Variants in SLC43A2 observed in about 807,000 individuals in gnomAD.
The protein encoded by SLC43A2 is solute carrier family 43 member 2.
Under a neutral mutation model 63.2 loss-of-function variants are expected in SLC43A2, and 38 were observed. The observed-to-expected ratio is 0.60, with a 90% confidence interval of 0.46 to 0.79. The LOEUF is 0.79. Among genes scored for constraint, SLC43A2 ranks in the 30% least tolerant of loss-of-function variants. SLC43A2 has a pLI of 0.00. For missense variants in SLC43A2, 644 were observed against 756.2 expected, an observed-to-expected ratio of 0.85 and a Z score of 1.74; for synonymous variants, 322 against 331.0, an observed-to-expected ratio of 0.97 and a Z score of 0.30.
chr17:1,585,857 G>T, intron 10 of SLC43A2, 56 bp downstream of exon 10: 1 of 1,611,504 alleles, frequency 6.2e-7, no homozygotes, highest in Non-Finnish European at 8.5e-7. Context: ...GCAGCTCTGG[G>T]GTCTTTCTGC....
chr17:1,626,111 C>T (rs1451494145), intron 2 of SLC43A2, among the ~76,000 whole-genome samples: 2 of 150,196 alleles, frequency 1.3e-5, no homozygotes, highest in Admixed American at 1.3e-4. Flanking sequence ...CTGCCCACAA[C>T]AGTTCTCTGG....
In SLC43A2 at chr17:1,577,955, C is replaced by T. The variant is rs892856299; in HGVS notation, c.1424+295G>A. On this transcript the variant is annotated intron_variant, in intron 12 of 13. Transcript: ENST00000301335. This position sits in a 1 kb window ranked among gnomAD's most constrained non-coding sequence, Gnocchi z 4.9. ...AGCCCCAGGACTCGGCTGTAGTGGCCCCTGAGGCCATAATGAGCTGCACAG... is the reference window on the plus strand; with the variant it reads ...AGCCCCAGGACTCGGCTGTAGTGGCTCCTGAGGCCATAATGAGCTGCACAG... 1.3e-5 allele frequency among the ~76,000 whole-genome samples: 2 copies of T among 152,212 alleles called. No individual in the cohort carries two copies. Among genetic ancestry groups the T allele is most frequent in the Non-Finnish European group, 2.9e-5 (2 of 68,042 alleles).
intron 5 of SLC43A2, among the ~76,000 whole-genome samples, chr17:1,600,153 T>TATATATATATATATATA (rs1491178977): frequency 1.3e-4 from 5 of 38,234 alleles, no homozygotes; most frequent in Admixed American, 4.2e-4. Context: ...TATATATATA[T>TATATATATATATATATA]TTTTTTTTTT....
At chr17:1,591,011 G>A (rs899393321) in intron 8 of SLC43A2, 63 bp from the exon 9 acceptor site, 58 of 1,504,856 alleles carry the variant, frequency 3.9e-5, no homozygotes, top group Non-Finnish European at 4.5e-5. Context: ...GGGGGGACAC[G>A]CAGATCCCTC....
At chr17:1,617,124 C>G (rs1907752973) in intron 2 of SLC43A2, among the ~76,000 whole-genome samples, 1 of 152,212 alleles carries the variant, frequency 6.6e-6, no homozygotes, top group South Asian at 2.1e-4. Flanking sequence ...GCATCCGCCA[C>G]CCTAGAACGG....
intron 9 of SLC43A2, 157 bp from the exon 10 acceptor site, chr17:1,586,208 T>A: frequency 8.5e-7 from 1 of 1,182,804 alleles, no homozygotes; most frequent in Non-Finnish European, 1.1e-6. Context: ...CCGGAGACCT[T>A]AACTCTGAAG....
At chr17:1,594,809 G>C (rs12939032) in intron 5 of SLC43A2, among the ~76,000 whole-genome samples, 100,166 of 150,742 alleles carry the variant, frequency 0.66, 33,726 homozygotes, top group Admixed American at 0.75. Flanking sequence ...AGGATGGTCT[G>C]GATCTCCTGA....
chr17:1,588,735 A>C lies in SLC43A2; in HGVS notation c.1078+2067T>G, dbSNP rs539482756. Among the ~76,000 whole-genome samples the C allele has an allele frequency of 2.7e-5, 4 of 146,998 alleles. No homozygotes were observed. The South Asian group carries it at 6.4e-4, about 24-fold the overall frequency. ...AAAAAAAAAAAGGCGGCCTTTTCCCAGCTGCCAGCACCCTGGCTAGTTAGG... is the reference window on the plus strand; with the variant it reads ...AAAAAAAAAAAGGCGGCCTTTTCCCCGCTGCCAGCACCCTGGCTAGTTAGG... On this transcript the variant is annotated intron_variant, in intron 9 of 13. Coordinates refer to ENST00000301335, the MANE Select transcript of SLC43A2 (RefSeq NM_152346.3).
intron 9 of SLC43A2, among the ~76,000 whole-genome samples, chr17:1,587,532 GC>G (rs1457093149): frequency 6.6e-6 from 1 of 152,128 alleles, no homozygotes; most frequent in Non-Finnish European, 1.5e-5. Flanking sequence ...TTGGGCCATG[GC>G]CCCCCTGCCA....
At chr17:1,586,931 C>CCCCCCCCCCCCGCCCCCCGGCCCG in intron 9 of SLC43A2, 1 of 986,030 alleles carries the variant, frequency 1.0e-6, no homozygotes, top group Non-Finnish European at 1.5e-6. Flanking sequence ...CTGACAATCC[C>CCCCCCCCCCCCGCCCCCCGGCCCG]CCCCACCCCC....
At chr17:1,576,751 C>T (rs199942755) in intron 12 of SLC43A2, 31 bp from the exon 13 acceptor site, 527 of 1,603,582 alleles carry the variant, frequency 3.3e-4, no homozygotes, top group Non-Finnish European at 4.3e-4. Flanking sequence ...CACAGCCATC[C>T]TGCCTCCTGG....
chr17:1,584,401 A>T (rs754672312), intron 10 of SLC43A2, among the ~76,000 whole-genome samples: 6 of 151,928 alleles, frequency 3.9e-5, no homozygotes, highest in Non-Finnish European at 7.4e-5. Context: ...TGGGTATAAC[A>T]CTGGTCCCCA....
chr17:1,594,515 T>C (rs1276185674), intron 5 of SLC43A2, among the ~76,000 whole-genome samples: 1 of 152,182 alleles, frequency 6.6e-6, no homozygotes, highest in East Asian at 1.9e-4. Flanking sequence ...AGGCTGCTTA[T>C]GGGGACTTAA....
intron 6 of SLC43A2, among the ~76,000 whole-genome samples, chr17:1,592,948 C>T (rs1904957166): frequency 6.6e-6 from 1 of 152,170 alleles, no homozygotes; most frequent in South Asian, 2.1e-4. Flanking sequence ...TCCCCTGCCC[C>T]AGCCCCGAAA....
chr17:1,615,715 C>T (rs1407276260), intron 3 of SLC43A2, among the ~76,000 whole-genome samples: 19 of 148,434 alleles, frequency 1.3e-4, no homozygotes, highest in Non-Finnish European at 1.9e-4. Context: ...TGGTGGCAGG[C>T]GCCTGTGGTC....
At chr17:1,610,500 C>T (rs1349463667) in intron 5 of SLC43A2, among the ~76,000 whole-genome samples, 1 of 145,668 alleles carries the variant, frequency 6.9e-6, no homozygotes, top group African/African-American at 2.5e-5. Flanking sequence ...CAACCCTGGC[C>T]TCAAATGATC....
chr17:1,610,810 C>T (rs1337287688), intron 5 of SLC43A2, among the ~76,000 whole-genome samples: 1 of 150,680 alleles, frequency 6.6e-6, no homozygotes, highest in African/African-American at 2.4e-5. Flanking sequence ...TTAGCTCCAA[C>T]CGCAGGGTCC....
At chr17:1,623,750 C>G (rs71360493) in intron 2 of SLC43A2, among the ~76,000 whole-genome samples, 4,331 of 6,012 alleles carry the variant, frequency 0.72, 1,789 homozygotes, top group East Asian at 0.87. Context: ...CTCCTCCAGG[C>G]TGTACCCTCC....
In SLC43A2 at chr17:1,591,591, G is replaced by T. The variant is rs1262049741; in HGVS notation, c.703C>A (p.Pro235Thr). The T allele has an allele frequency of 6.5e-7, 1 of 1,549,768 alleles. No homozygotes were observed. The highest frequency in any genetic ancestry group is 8.7e-7 in the Non-Finnish European group (1 of 1,147,144). The change falls in exon 7 of 14, where the codon CCG (proline) becomes ACG (threonine). Residue 235 changes from proline (P) to threonine (T), a missense_variant. This residue lies in a region of SLC43A2 where 528 missense variants were observed against 623.6 expected (regional missense o/e 0.85). Coordinates refer to ENST00000301335, the MANE Select transcript of SLC43A2 (RefSeq NM_152346.3). ...CFFNWPLEPF[P>T]GPEDMDYSVK... ...GAGTAGTCCATGTCCTCCGGCCCCG[G>T]GAAGGGCTCAAGGGGCCAGTTAAAG...
Sources: allele counts gnomAD v4.1 joint callset (sites outside exome capture counted in the v4.1 genomes callset), GRCh38; gene constraint gnomAD v4.1.1; regional missense constraint gnomAD v4.1.1; non-coding constraint Gnocchi (gnomAD v3.1); transcripts MANE v1.5; gene names NCBI Gene and HGNC (gene_info 2026-07-23, HGNC 2026-07-21).